The following KIRREL1 variants were observed in gnomAD, a reference collection of about 807,000 sequenced individuals.
The protein encoded by KIRREL1 is kirre like nephrin family adhesion molecule 1.
In KIRREL1, 25 loss-of-function variants were observed where a neutral mutation model predicts 83.3. That is an observed-to-expected ratio of 0.30 (90% CI 0.22 to 0.42). KIRREL1 has a LOEUF of 0.42. Among genes scored for constraint, KIRREL1 ranks in the 10% least tolerant of loss-of-function variants. The pLI is 1.00. For missense variants in KIRREL1, 812 were observed against 1,032.3 expected (o/e 0.79, Z 2.92); for synonymous variants, 388 against 410.4 (o/e 0.95, Z 0.66).
At chr1:158,043,523 C>G (rs1660697974) in intron 1 of KIRREL1, among the ~76,000 whole-genome samples, 1 of 152,214 alleles carries the variant, frequency 6.6e-6, no homozygotes, top group Admixed American at 6.5e-5. Context: ...TGTCTGGGAA[C>G]ACTGATAGTT....
Position 158,093,727 on chromosome 1 carries a change from T to C in KIRREL1, c.1684T>C (p.Ser562Pro). Residue 562 changes from serine (S) to proline (P), a missense_variant, in exon 13 of 15, where the codon TCC becomes CCC. By Grantham distance (74) the Ser-to-Pro change is moderately conservative. Around this residue, in one of 3 missense-constraint regions of KIRREL1, gnomAD observed 334 missense variants for 383.7 expected, o/e 0.87. Transcript: ENST00000359209. ...SDREDDTASV[S>P]TATRVMKAIY... ...CCGGGAGGATGACACCGCCAGCGTC[T>C]CCACAGCAACCCGGGTCATGAAGGC... 1 of 1,614,162 alleles carries C rather than the reference T, an allele frequency of 6.2e-7. No individual in the cohort carries two copies. The highest frequency in any genetic ancestry group is 1.1e-5 in the South Asian group (1 of 91,076).
chr1:158,060,128 C>T (rs1007150657), intron 1 of KIRREL1, among the ~76,000 whole-genome samples: 12 of 152,198 alleles, frequency 7.9e-5, no homozygotes, highest in Non-Finnish European at 1.6e-4. Context: ...TTAATGACAG[C>T]GACCATCTGC....
rs770311726 is a variant in KIRREL1 at position 158,091,307 on chromosome 1, G to A, written c.1273-51G>A. 5.1e-6 allele frequency: 8 copies of A among 1,555,658 alleles called. No homozygotes were observed. In the Admixed American group the frequency reaches 6.9e-5, roughly 13 times the overall value. Reference sequence around the variant, plus strand: ...TGGATCAGGGGACACGTGGGCATGGGCTTCTGCCCCCTGCCCCTTTCTTAC... The same window carrying A: ...TGGATCAGGGGACACGTGGGCATGGACTTCTGCCCCCTGCCCCTTTCTTAC... On this transcript the variant is annotated intron_variant, in intron 10 of 14. Transcript: ENST00000359209.
chr1:158,046,453 T>A (rs527470672), intron 1 of KIRREL1, among the ~76,000 whole-genome samples: 29 of 152,158 alleles, frequency 1.9e-4, no homozygotes, highest in African/African-American at 6.0e-4. Context: ...AGTAAGAAGT[T>A]TGAGCGATGC....
At chr1:158,070,156 T>C (rs150744158) in intron 1 of KIRREL1, among the ~76,000 whole-genome samples, 60 of 152,222 alleles carry the variant, frequency 3.9e-4, no homozygotes, top group Admixed American at 7.8e-4. Context: ...AGGGTTAAGA[T>C]GGGAGTGTAA....
intron 1 of KIRREL1, among the ~76,000 whole-genome samples, chr1:158,002,568 G>A (rs1659394161): frequency 6.6e-6 from 1 of 152,202 alleles, no homozygotes; most frequent in Admixed American, 6.5e-5. Context: ...GCTGTGCTGG[G>A]CCTAGGCCTG....
At chr1:158,084,646 G>A (rs1661968207) in intron 4 of KIRREL1, 67 bp downstream of exon 4, 1 of 1,497,968 alleles carries the variant, frequency 6.7e-7, no homozygotes, top group Non-Finnish European at 9.0e-7. Context: ...TTTCCCACAG[G>A]GGTTTCACCA....
intron 1 of KIRREL1, among the ~76,000 whole-genome samples, chr1:158,017,315 C>T (rs1659856094): frequency 6.6e-6 from 1 of 152,140 alleles, no homozygotes; most frequent in African/African-American, 2.4e-5. Flanking sequence ...TCTCTCCTAC[C>T]CTCTTTACCT....
Position 158,093,581 on chromosome 1 carries a change from C to A in KIRREL1, c.1580-42C>A, listed in dbSNP as rs745597837. 2.5e-6 allele frequency: 4 copies of A among 1,612,970 alleles called. No homozygotes were observed. In the African/African-American group the frequency reaches 4.0e-5, roughly 16 times the overall value. On this transcript the variant is annotated intron_variant, in intron 12 of 14. Coordinates refer to ENST00000359209, the MANE Select transcript of KIRREL1 (RefSeq NM_018240.7). ...GAGCCAGAAGCAGCCGCTGCAGAGA[C>A]CAGCAGGAAGCACTTGTTCCAGGCT...
chr1:158,097,011 A>G lies in KIRREL1; in HGVS notation c.*1891A>G. ...CCCCTTGTAGGAAGGACCAGATAAT[A>G]CCCAGGAAGCAAGTAGCTCTAATTT... On this transcript the variant is annotated 3_prime_UTR_variant, in exon 15 of 15. Transcript: ENST00000359209. 2.2e-6 allele frequency: 1 copy of G among 456,882 alleles called. No homozygotes were observed. The highest frequency in any genetic ancestry group is 4.4e-6 in the Non-Finnish European group (1 of 227,006). 28.3% of individuals were successfully genotyped at this position (456,882 alleles called of 1,614,324 possible).
At chr1:158,081,319 G>A (rs925202272) in intron 3 of KIRREL1, among the ~76,000 whole-genome samples, 1 of 152,166 alleles carries the variant, frequency 6.6e-6, no homozygotes, top group African/African-American at 2.4e-5. Flanking sequence ...ACCATGAAAG[G>A]AATAATGAAA....
Position 158,096,541 on chromosome 1 carries a change from T to A in KIRREL1, c.*1421T>A, listed in dbSNP as rs1662359334. 1 of 456,526 alleles carries A rather than the reference T, an allele frequency of 2.2e-6. No individual in the cohort carries two copies. Among genetic ancestry groups the A allele is most frequent in the Admixed American group, 2.4e-5 (1 of 42,538 alleles). The allele number at this position is 456,526 out of a possible 1,614,324, so 28.3% of individuals were successfully genotyped here. A position where few individuals can be genotyped will look rare whatever the true frequency, so the allele number is the denominator to read the frequency against. On this transcript the variant is annotated 3_prime_UTR_variant, in exon 15 of 15. Transcript: ENST00000359209. ...TAGGAGAGAGATGGGTGAGGGGACC[T>A]GGAGAGGTAAGGGGCCTGGAAATGG...
intron 1 of KIRREL1, among the ~76,000 whole-genome samples, chr1:157,996,317 G>A (rs887080383): frequency 7.2e-5 from 11 of 152,082 alleles, no homozygotes; most frequent in Admixed American, 4.6e-4. Context: ...TGATTGCGCC[G>A]AAAATTGAAA....
intron 1 of KIRREL1, among the ~76,000 whole-genome samples, chr1:158,026,970 A>G (rs925458308): frequency 1.3e-5 from 2 of 152,126 alleles, no homozygotes; most frequent in African/African-American, 4.8e-5. Context: ...TAAGCAAGCA[A>G]TCCTTTAGCA....
intron 1 of KIRREL1, among the ~76,000 whole-genome samples, chr1:158,074,386 C>A (rs2101622481): frequency 6.6e-6 from 1 of 152,308 alleles, no homozygotes; most frequent in African/African-American, 2.4e-5. Flanking sequence ...CTTTTTCAGA[C>A]CCCTTTGTGT....
chr1:158,001,952 C>G (rs1370941885), intron 1 of KIRREL1, among the ~76,000 whole-genome samples: 1 of 152,128 alleles, frequency 6.6e-6, no homozygotes, highest in Non-Finnish European at 1.5e-5. Flanking sequence ...TCACTTCTCA[C>G]CAAAGCCTCC....
In KIRREL1 at chr1:158,096,543, G is replaced by C. The variant is rs1558022032; in HGVS notation, c.*1423G>C. On this transcript the variant is annotated 3_prime_UTR_variant, in exon 15 of 15. Transcript: ENST00000359209. ...GGAGAGAGATGGGTGAGGGGACCTG[G>C]AGAGGTAAGGGGCCTGGAAATGGCC... is the stretch of plus-strand genomic sequence containing the variant. 3 of 456,966 alleles carry C rather than the reference G, an allele frequency of 6.6e-6. No homozygotes were observed. The highest frequency in any genetic ancestry group is 1.3e-5 in the Non-Finnish European group (3 of 226,966). The allele number at this position is 456,966 out of a possible 1,614,324, so 28.3% of individuals were successfully genotyped here. A position where few individuals can be genotyped will look rare whatever the true frequency, so the allele number is the denominator to read the frequency against.
chr1:158,043,505 G>T (rs1660697670), intron 1 of KIRREL1, among the ~76,000 whole-genome samples: 1 of 152,194 alleles, frequency 6.6e-6, no homozygotes, highest in African/African-American at 2.4e-5. Flanking sequence ...AGGGGATAAA[G>T]GCCTCTGTGT....
chr1:158,089,760 G>T lies in KIRREL1; in HGVS notation c.1214G>T (p.Arg405Met). The T allele has an allele frequency of 6.2e-7, 1 of 1,614,182 alleles. No individual in the cohort carries two copies. Among genetic ancestry groups the T allele is most frequent in the Non-Finnish European group, 8.5e-7 (1 of 1,180,030 alleles). The change falls in exon 10 of 15, where the codon AGG becomes ATG. Residue 405 changes from arginine to methionine, a missense_variant. Arg to Met is a moderately conservative substitution (Grantham distance 91). Transcript: ENST00000359209. ...ISSEAVQYAV[R>M]GDGGKVECFI... ...AGTGAGGCAGTGCAGTATGCTGTGA[G>T]GGGTGACGGTGGCAAGGTGGAGTGT...
Sources: allele counts gnomAD v4.1 joint callset (sites outside exome capture counted in the v4.1 genomes callset), GRCh38; gene constraint gnomAD v4.1.1; regional missense constraint gnomAD v4.1.1; transcripts MANE v1.5; gene names NCBI Gene and HGNC (gene_info 2026-07-23, HGNC 2026-07-21).